The following CNTN1 variants were observed in gnomAD, a reference collection of about 807,000 sequenced individuals.
The protein encoded by CNTN1 is contactin-1.
CNTN1 carries 38 observed loss-of-function variants against 126.4 expected under a neutral mutation model. The ratio of observed to expected loss-of-function variants is 0.30; its 90% confidence interval spans 0.23 to 0.39. The LOEUF is 0.39. Among genes scored for constraint, CNTN1 ranks in the 10% least tolerant of loss-of-function variants. CNTN1 has a pLI of 1.00. For synonymous variants in CNTN1, 413 were observed against 422.6 expected (o/e 0.98, Z 0.28); for missense variants, 1,009 against 1,248.4 (o/e 0.81, Z 2.89).
At chr12:40,817,773 T>C (rs1592120816) in intron 1 of CNTN1, among the ~76,000 whole-genome samples, 1 of 152,228 alleles carries the variant, frequency 6.6e-6, no homozygotes, top group Admixed American at 6.5e-5. Flanking sequence ...TTGGTCTTTA[T>C]GTTTTGGTGT....
intron 1 of CNTN1, among the ~76,000 whole-genome samples, chr12:40,822,246 C>T (rs867975927): frequency 7.5e-5 from 11 of 147,044 alleles, no homozygotes; most frequent in Admixed American, 3.5e-4. Context: ...CCCCCACCTC[C>T]CAGGTTCAAG....
intron 1 of CNTN1, among the ~76,000 whole-genome samples, chr12:40,761,452 A>C (rs577981799): frequency 4.1e-4 from 63 of 152,096 alleles, no homozygotes; most frequent in African/African-American, 1.2e-3. Flanking sequence ...GTTTTAGTAA[A>C]CTATTTTTAA....
chr12:40,769,834 A>G (rs1429297110), intron 1 of CNTN1, among the ~76,000 whole-genome samples: 1 of 152,146 alleles, frequency 6.6e-6, no homozygotes. Context: ...AAATTGTAAT[A>G]TTTATAGAAA....
In CNTN1 at chr12:40,939,629, C is replaced by G. The variant is rs1225912737; in HGVS notation, c.1379+144C>G. The stretch of plus-strand genomic sequence containing the variant: ...GAAGATCCTGTAGTTCTAAGATGGA[C>G]AGAAATACCTATCCCTGTCAGTATC... On this transcript the variant is annotated intron_variant, in intron 12 of 23. Transcript: ENST00000551295. 37 of 794,902 alleles carry G rather than the reference C, an allele frequency of 4.7e-5. No individual in the cohort carries two copies. The Admixed American group carries it at 8.1e-4, about 17-fold the overall frequency. 49.2% of individuals were successfully genotyped at this position (794,902 alleles called of 1,614,324 possible).
At chr12:40,718,187 T>C (rs999268816) in intron 1 of CNTN1, among the ~76,000 whole-genome samples, 1 of 152,204 alleles carries the variant, frequency 6.6e-6, no homozygotes, top group Admixed American at 6.5e-5. Flanking sequence ...TGTTTTGTTT[T>C]GAGACAGAAT....
chr12:40,849,167 C>A (rs540780359), intron 1 of CNTN1, among the ~76,000 whole-genome samples: 7 of 152,164 alleles, frequency 4.6e-5, no homozygotes, highest in Admixed American at 1.3e-4. Context: ...ATTAGTAATA[C>A]CTGGCTTCAC....
intron 1 of CNTN1, among the ~76,000 whole-genome samples, chr12:40,868,426 T>C (rs2136662429): frequency 6.6e-6 from 1 of 152,252 alleles, no homozygotes; most frequent in African/African-American, 2.4e-5. Flanking sequence ...AGTCAGTACT[T>C]ATGTGGTTCA....
intron 23 of CNTN1, among the ~76,000 whole-genome samples, chr12:41,064,578 G>A (rs1169427377): frequency 6.6e-6 from 1 of 152,160 alleles, no homozygotes; most frequent in Admixed American, 6.5e-5. Flanking sequence ...ACCGTGATAA[G>A]CAGAGTCCCA....
At chr12:40,927,285 T>C (rs544147018) in intron 6 of CNTN1, among the ~76,000 whole-genome samples, 1 of 152,228 alleles carries the variant, frequency 6.6e-6, no homozygotes, top group East Asian at 1.9e-4. Flanking sequence ...TTATCATCTG[T>C]GTGGGGCTAG....
chr12:40,992,568 G>A (rs1345940610), intron 16 of CNTN1, among the ~76,000 whole-genome samples: 1 of 151,556 alleles, frequency 6.6e-6, no homozygotes, highest in Non-Finnish European at 1.5e-5. Flanking sequence ...TGAATTCTGA[G>A]GGATACTTAA....
intron 1 of CNTN1, among the ~76,000 whole-genome samples, chr12:40,867,421 A>G (rs1046113997): frequency 6.6e-6 from 1 of 152,202 alleles, no homozygotes; most frequent in Non-Finnish European, 1.5e-5. Flanking sequence ...AGTAAGAGGA[A>G]TAATTTCAAC....
intron 11 of CNTN1, 50 bp from the exon 12 acceptor site, chr12:40,939,285 T>C (rs1218875833): frequency 6.3e-7 from 1 of 1,593,960 alleles, no homozygotes; most frequent in South Asian, 1.1e-5. Flanking sequence ...GAAGCAATGT[T>C]TAGGCTTTAC....
At chr12:40,827,777 CG>C (rs1326764092) in intron 1 of CNTN1, among the ~76,000 whole-genome samples, 1 of 151,616 alleles carries the variant, frequency 6.6e-6, no homozygotes, top group Non-Finnish European at 1.5e-5. Flanking sequence ...ATAAACCAAT[CG>C]TGGAGCTCCA....
intron 17 of CNTN1, among the ~76,000 whole-genome samples, chr12:40,995,031 C>T (rs372519855): frequency 1.7e-4 from 26 of 151,860 alleles, no homozygotes; most frequent in East Asian, 5.8e-4. Flanking sequence ...CATAGGACTA[C>T]CTATGTCAAA....
At chr12:40,802,803 A>G (rs572316958) in intron 1 of CNTN1, among the ~76,000 whole-genome samples, 1 of 152,114 alleles carries the variant, frequency 6.6e-6, no homozygotes, top group East Asian at 1.9e-4. Context: ...AAAAGCAGAT[A>G]TTATCATTCT....
chr12:41,052,768 T>C (rs1181364768), intron 23 of CNTN1, among the ~76,000 whole-genome samples: 7 of 152,066 alleles, frequency 4.6e-5, no homozygotes, highest in Non-Finnish European at 8.8e-5. Context: ...CTGGAAGACT[T>C]CAATAGTAAA....
At chr12:40,975,181 TATATATA>T (rs1947638530) in intron 15 of CNTN1, among the ~76,000 whole-genome samples, 1,823 of 126,656 alleles carry the variant, frequency 0.014, 38 homozygotes, top group African/African-American at 0.034. Flanking sequence ...AAATGGATTA[TATATATA>T]TATATATATA....
intron 23 of CNTN1, among the ~76,000 whole-genome samples, chr12:41,037,788 G>A (rs1261209398): frequency 1.3e-5 from 2 of 152,020 alleles, no homozygotes; most frequent in South Asian, 2.1e-4. Flanking sequence ...TCAGGAAGAG[G>A]CTTCTGGGGT....
At chr12:40,986,428 T>C (rs1308649200) in intron 16 of CNTN1, among the ~76,000 whole-genome samples, 1 of 152,178 alleles carries the variant, frequency 6.6e-6, no homozygotes, top group African/African-American at 2.4e-5. Context: ...TTAGATTCAG[T>C]TTAGCACAGG....
Sources: gnomAD v4.1 joint callset for allele counts (sites outside exome capture counted in the v4.1 genomes callset) on GRCh38, gnomAD v4.1.1 for gene constraint, MANE v1.5 for transcripts, NCBI Gene and HGNC (gene_info 2026-07-23, HGNC 2026-07-21) for gene names.